CADM2: variants seen among roughly 807,000 people sequenced by gnomAD.
CADM2 encodes immunoglobulin superfamily member 4D.
A neutral mutation model predicts 49.8 loss-of-function variants in CADM2; 12 were observed. The ratio of observed to expected loss-of-function variants is 0.24; its 90% CI spans 0.15 to 0.39. The LOEUF (loss-of-function observed/expected upper bound fraction) is 0.39, where lower values mean the gene tolerates loss of function less well. Among genes scored for constraint, CADM2 ranks in the 10% least tolerant of loss-of-function variants. The probability of loss-of-function intolerance (pLI) is 1.00; values close to 1 mark genes in which losing one functional copy is unlikely to be tolerated. For missense variants in CADM2, 378 were observed against 492.3 expected (o/e 0.77, Z 2.20); for synonymous variants, 214 against 175.4 (o/e 1.22, Z -1.74).
At chr3:85,063,052 G>T (rs928539524) in intron 1 of CADM2, among the ~76,000 whole-genome samples, 2 of 151,870 alleles carry the variant, frequency 1.3e-5, no homozygotes, top group Admixed American at 1.3e-4. Context: ...ACTTCAAATG[G>T]ATTCACAATA....
At chr3:85,553,723 C>A (rs759246957) in intron 1 of CADM2, among the ~76,000 whole-genome samples, 3 of 152,160 alleles carry the variant, frequency 2.0e-5, no homozygotes, top group Admixed American at 6.5e-5. Context: ...AATCTGCATT[C>A]TCTTATGTCA....
intron 1 of CADM2, among the ~76,000 whole-genome samples, chr3:85,279,077 C>CCCCAA (rs1426344410): frequency 3.4e-4 from 52 of 151,460 alleles, no homozygotes; most frequent in Non-Finnish European, 6.8e-4. Flanking sequence ...TTTGGGGTTT[C>CCCCAA]AGGAGTAAGA....
chr3:85,123,353 C>G (rs1314584584), intron 1 of CADM2, among the ~76,000 whole-genome samples: 1 of 152,058 alleles, frequency 6.6e-6, no homozygotes, highest in Admixed American at 6.5e-5. Flanking sequence ...TTCCTCATTT[C>G]AAATGGTAGT....
At chr3:85,185,565 A>C (rs1452198220) in intron 1 of CADM2, among the ~76,000 whole-genome samples, 1 of 152,112 alleles carries the variant, frequency 6.6e-6, no homozygotes, top group Non-Finnish European at 1.5e-5. Context: ...ATAATGACTT[A>C]CCTTTAGACA....
At chr3:85,455,873 G>A (rs1337846138) in intron 1 of CADM2, among the ~76,000 whole-genome samples, 1 of 152,180 alleles carries the variant, frequency 6.6e-6, no homozygotes, top group African/African-American at 2.4e-5. Context: ...AAAAGACATA[G>A]TGGTCAATCT....
At chr3:85,078,546 A>G (rs1053641630) in intron 1 of CADM2, among the ~76,000 whole-genome samples, 63 of 151,976 alleles carry the variant, frequency 4.1e-4, no homozygotes, top group African/African-American at 1.4e-3. Context: ...TACAAAAATC[A>G]TTGAAATAAA....
intron 1 of CADM2, among the ~76,000 whole-genome samples, chr3:85,439,400 G>A (rs994699698): frequency 5.9e-5 from 9 of 151,850 alleles, no homozygotes; most frequent in African/African-American, 1.7e-4. Flanking sequence ...TGATTTGCCC[G>A]CCTCGGCCTA....
intron 6 of CADM2, among the ~76,000 whole-genome samples, chr3:85,933,120 C>G (rs948763101): frequency 1.3e-5 from 2 of 152,138 alleles, no homozygotes; most frequent in South Asian, 4.1e-4. Context: ...TGAAGCAGAT[C>G]CTGGTGGTGA....
At chr3:85,718,593 G>T (rs2067380345) in intron 1 of CADM2, among the ~76,000 whole-genome samples, 1 of 152,048 alleles carries the variant, frequency 6.6e-6, no homozygotes, top group African/African-American at 2.4e-5. Context: ...AGAGATGTTT[G>T]AAAGCAAAAG....
intron 3 of CADM2, among the ~76,000 whole-genome samples, chr3:85,847,374 G>T (rs1475778600): frequency 6.6e-6 from 1 of 152,024 alleles, no homozygotes; most frequent in Non-Finnish European, 1.5e-5. Flanking sequence ...AGATTTGCTG[G>T]GATCACATAG....
At chr3:85,634,782 C>G (rs2107531343) in intron 1 of CADM2, among the ~76,000 whole-genome samples, 1 of 152,170 alleles carries the variant, frequency 6.6e-6, no homozygotes, top group South Asian at 2.1e-4. Context: ...AAGTTGCTGA[C>G]TTTCTGATAA....
chr3:85,720,407 T>C (rs2067457065), intron 1 of CADM2, among the ~76,000 whole-genome samples: 1 of 152,212 alleles, frequency 6.6e-6, no homozygotes. Context: ...TTTGCTAAAA[T>C]TGCAGAATGG....
chr3:85,552,366 G>GTGTTTT (rs2061828186), intron 1 of CADM2, among the ~76,000 whole-genome samples: 4 of 87,588 alleles, frequency 4.6e-5, no homozygotes, highest in Admixed American at 1.4e-4. Context: ...ACTTTGAAAA[G>GTGTTTT]TTTTTTTTTT....
At chr3:85,223,752 G>A (rs2042090006) in intron 1 of CADM2, among the ~76,000 whole-genome samples, 2 of 151,740 alleles carry the variant, frequency 1.3e-5, no homozygotes, top group African/African-American at 4.8e-5. Flanking sequence ...CTCTCTCCCT[G>A]TGCCCCACTC....
At chr3:85,207,588 A>G (rs2041678900) in intron 1 of CADM2, among the ~76,000 whole-genome samples, 1 of 152,174 alleles carries the variant, frequency 6.6e-6, no homozygotes. Context: ...AAAGTATTCT[A>G]AAACATTCTT....
At chr3:84,995,808 C>T (rs1386838154) in intron 1 of CADM2, among the ~76,000 whole-genome samples, 1 of 152,150 alleles carries the variant, frequency 6.6e-6, no homozygotes, top group Non-Finnish European at 1.5e-5. Context: ...GTTTCCACAA[C>T]TGGCTTTTTA....
At chr3:85,205,866 T>C (rs931539837) in intron 1 of CADM2, among the ~76,000 whole-genome samples, 1 of 152,172 alleles carries the variant, frequency 6.6e-6, no homozygotes, top group Non-Finnish European at 1.5e-5. Flanking sequence ...CTCTTTTGTG[T>C]CTCTATGATA....
intron 2 of CADM2, among the ~76,000 whole-genome samples, chr3:85,748,893 A>C (rs180905694): frequency 8.6e-4 from 131 of 152,266 alleles, no homozygotes; most frequent in Admixed American, 2.9e-3. Flanking sequence ...GTGTACATCA[A>C]AGAAGGCAGC....
intron 1 of CADM2, among the ~76,000 whole-genome samples, chr3:85,674,222 A>T (rs2065827732): frequency 6.6e-6 from 1 of 152,210 alleles, no homozygotes; most frequent in Non-Finnish European, 1.5e-5. Context: ...TGAAATAAAT[A>T]TGTGTAAAAA....
Sources: gnomAD v4.1 joint callset for allele counts (sites outside exome capture counted in the v4.1 genomes callset) on GRCh38, gnomAD v4.1.1 for gene constraint, MANE v1.5 for transcripts, NCBI Gene and HGNC (gene_info 2026-07-23, HGNC 2026-07-21) for gene names.